Variants in SIDT1 observed in about 807,000 individuals in gnomAD.
The protein encoded by SIDT1 is SID1 transmembrane family member 1.
A neutral mutation model predicts 107.5 loss-of-function variants in SIDT1; 101 were observed. The observed-to-expected ratio is 0.94, with a 90% CI of 0.80 to 1.11. The LOEUF (loss-of-function observed/expected upper bound fraction) is 1.11. Among genes scored for constraint, SIDT1 ranks in the 50% least tolerant of loss-of-function variants. The probability of loss-of-function intolerance (pLI) is 0.00; values close to 1 mark genes in which losing one functional copy is unlikely to be tolerated. For synonymous variants in SIDT1, 395 were observed against 398.2 expected (o/e 0.99, Z 0.10); for missense variants, 1,076 against 1,058.2 (o/e 1.02, Z -0.23).
Position 113,576,954 on chromosome 3 carries a change from C to T in SIDT1, c.548C>T (p.Pro183Leu). The T allele has an allele frequency of 6.2e-7, 1 of 1,614,202 alleles. No homozygotes were observed. Among genetic ancestry groups the T allele is most frequent in the Non-Finnish European group, 8.5e-7 (1 of 1,180,018 alleles). Residue 183 changes from proline to leucine, a missense_variant, in exon 4 of 25, where the codon CCC becomes CTC. Coordinates refer to ENST00000264852, the MANE Select transcript of SIDT1 (RefSeq NM_017699.3). The part of the protein sequence containing the change: ...TNVAFHFTAS[P>L]SQPQYFLYKF... Reference sequence around the variant, plus strand: ...GTTGCCTTTCACTTTACTGCCAGCCCCTCTCAACCTCAGGTAAGTGAAGGG... The same window carrying T: ...GTTGCCTTTCACTTTACTGCCAGCCTCTCTCAACCTCAGGTAAGTGAAGGG...
At chr3:113,620,055 A>AATAGATAGATAG (rs746867291) in intron 21 of SIDT1, 5 of 191,076 alleles carry the variant, frequency 2.6e-5, no homozygotes, top group African/African-American at 7.1e-5. Flanking sequence ...ATGATAGATA[A>AATAGATAGATAG]ATAGATAGAT....
intron 6 of SIDT1, chr3:113,581,877 C>G (rs1943373581): frequency 6.3e-6 from 1 of 159,602 alleles, no homozygotes; most frequent in Non-Finnish European, 1.4e-5. Flanking sequence ...CCATTGAAAT[C>G]AAAGCCTAGG....
intron 20 of SIDT1, among the ~76,000 whole-genome samples, chr3:113,618,672 T>G (rs780511785): frequency 1.3e-5 from 2 of 152,206 alleles, no homozygotes; most frequent in Non-Finnish European, 2.9e-5. Context: ...ATGGATCACC[T>G]AAAAGACAAA....
intron 3 of SIDT1, among the ~76,000 whole-genome samples, chr3:113,575,075 T>C (rs1253219759): frequency 1.3e-5 from 2 of 152,208 alleles, no homozygotes; most frequent in Non-Finnish European, 2.9e-5. Context: ...TAACATGTTT[T>C]ACAAGTTTGC....
At chr3:113,535,928 T>C (rs1938105209) in intron 1 of SIDT1, among the ~76,000 whole-genome samples, 1 of 152,196 alleles carries the variant, frequency 6.6e-6, no homozygotes, top group Non-Finnish European at 1.5e-5. Flanking sequence ...CTCTTCTTAG[T>C]TCTTCTTATC....
chr3:113,605,902 G>A (rs1276690857), intron 14 of SIDT1, among the ~76,000 whole-genome samples: 1 of 151,990 alleles, frequency 6.6e-6, no homozygotes, highest in Non-Finnish European at 1.5e-5. Flanking sequence ...TACTCGGGAG[G>A]CTGAAGTGGG....
At position 113,623,729 on chromosome 3, in the gene SIDT1, G is replaced by A. The variant is rs1946644544; in HGVS notation, c.2303G>A (p.Trp768Ter). The A allele has an allele frequency of 6.2e-7, 1 of 1,612,002 alleles. No homozygotes were observed. Among genetic ancestry groups the A allele is most frequent in the Non-Finnish European group, 8.5e-7 (1 of 1,178,334 alleles). The change falls in exon 23 of 25, where the codon TGG becomes TAG. Residue 768 changes from tryptophan to a stop codon, truncating the protein, a stop_gained. Coordinates refer to ENST00000264852, the MANE Select transcript of SIDT1 (RefSeq NM_017699.3). LOFTEE classifies it high-confidence loss of function. ...TTTTTCTTCCAGAATCTCAGCAGCT[G>A]GGAGGTAAGAGGCCAGTTTTCTTAT... ...LYFFFQNLSS[W>*]EGTPAESREK...
rs1937611967 is a variant in SIDT1 at position 113,532,725 on chromosome 3, C to A, written c.-297C>A. The A allele has an allele frequency of 6.0e-6, 2 of 335,314 alleles. No homozygotes were observed. Among genetic ancestry groups the A allele is most frequent in the Non-Finnish European group, 1.1e-5 (2 of 186,028 alleles). 20.8% of individuals were successfully genotyped at this position (335,314 alleles called of 1,614,324 possible). On this transcript the variant is annotated 5_prime_UTR_variant, in exon 1 of 25. Coordinates refer to ENST00000264852, the MANE Select transcript of SIDT1 (RefSeq NM_017699.3). ...GCTGGGTAAGTGGGGGGATTCTCGG[C>A]GATGAGAAACGGGGGACTTAGAAGC...
chr3:113,538,481 C>A (rs1938444069), intron 1 of SIDT1, among the ~76,000 whole-genome samples: 1 of 152,182 alleles, frequency 6.6e-6, no homozygotes, highest in Non-Finnish European at 1.5e-5. Flanking sequence ...ACATAGAATA[C>A]ATACCGGATA....
chr3:113,625,323 G>C (rs986471095), intron 23 of SIDT1, among the ~76,000 whole-genome samples: 4 of 151,976 alleles, frequency 2.6e-5, no homozygotes, highest in African/African-American at 9.7e-5. Context: ...ATTTTTAGTA[G>C]AGACGGGGTT....
At chr3:113,574,107 G>C (rs1386648420) in intron 3 of SIDT1, among the ~76,000 whole-genome samples, 1 of 152,208 alleles carries the variant, frequency 6.6e-6, no homozygotes, top group Non-Finnish European at 1.5e-5. Context: ...TATTTGTTTT[G>C]AAAATGGTTG....
rs140593427 is a variant in SIDT1, at chr3:113,583,472, T to A, written c.811T>A (p.Cys271Ser). The change falls in exon 7 of 25, where the codon TGT (cysteine) becomes AGT (serine). Residue 271 changes from cysteine to serine, a missense_variant. Cys to Ser is a moderately radical substitution (Grantham distance 112). Transcript: ENST00000264852. ...VFVIKPEDYA[C>S]GGSFFIQEKE... ...TGTGATAAAGCCTGAAGATTATGCCTGTGGAGGATCTTTCTTCATCCAGGG... is the reference window on the plus strand; with the variant it reads ...TGTGATAAAGCCTGAAGATTATGCCAGTGGAGGATCTTTCTTCATCCAGGG... 1.9e-6 allele frequency: 3 copies of A among 1,597,422 alleles called. No homozygotes were observed. The highest frequency in any genetic ancestry group is 2.6e-6 in the Non-Finnish European group (3 of 1,168,290).
At chr3:113,625,726 C>T (rs1313129968) in intron 23 of SIDT1, among the ~76,000 whole-genome samples, 2 of 152,130 alleles carry the variant, frequency 1.3e-5, no homozygotes, top group Non-Finnish European at 2.9e-5. Flanking sequence ...AGATCTTTTG[C>T]CCATTTTTAA....
chr3:113,630,879 A>G (rs1409185865), downstream of SIDT1, among the ~76,000 whole-genome samples: 1 of 152,024 alleles, frequency 6.6e-6, no homozygotes, highest in Non-Finnish European at 1.5e-5. Flanking sequence ...CCAGTCTGGG[A>G]TCTCTCTCCT....
At chr3:113,591,887 A>G (rs1944182568) in intron 9 of SIDT1, among the ~76,000 whole-genome samples, 1 of 152,252 alleles carries the variant, frequency 6.6e-6, no homozygotes, top group Admixed American at 6.5e-5. Flanking sequence ...TGTGAAAACA[A>G]CCAAAATATC....
rs912878906 is a variant in SIDT1 at position 113,583,298 on chromosome 3, T to C, written c.748-111T>C. The C allele has an allele frequency of 5.9e-5, 39 of 656,814 alleles. No individual in the cohort carries two copies. The Admixed American group carries it at 9.5e-4, about 16-fold the overall frequency. The allele number at this position is 656,814 out of a possible 1,614,324, so 40.7% of individuals were successfully genotyped here. ...TTTCCAAGGAGTTAGAGGGCAGGGG[T>C]GAACTTTATTTTCCTTCTCTTTCCT... On this transcript the variant is annotated intron_variant, in intron 6 of 24. Coordinates refer to ENST00000264852, the MANE Select transcript of SIDT1 (RefSeq NM_017699.3).
chr3:113,556,782 G>A (rs181959936), intron 1 of SIDT1, among the ~76,000 whole-genome samples: 1 of 150,134 alleles, frequency 6.7e-6, no homozygotes, highest in East Asian at 2.0e-4. Flanking sequence ...CTGTAAGTTA[G>A]TCTGTGGCTT....
chr3:113,587,390 C>T (rs1170685767), intron 9 of SIDT1, among the ~76,000 whole-genome samples: 1 of 152,152 alleles, frequency 6.6e-6, no homozygotes, highest in Non-Finnish European at 1.5e-5. Context: ...ACAAAAACCC[C>T]AGGCTACAGG....
chr3:113,563,667 C>T (rs990349483), intron 1 of SIDT1, among the ~76,000 whole-genome samples: 5 of 152,116 alleles, frequency 3.3e-5, no homozygotes, highest in African/African-American at 9.7e-5. Flanking sequence ...GAGAGAAGTA[C>T]CCTTTACATT....
Sources: allele counts gnomAD v4.1 joint callset (sites outside exome capture counted in the v4.1 genomes callset), GRCh38; gene constraint gnomAD v4.1.1; transcripts MANE v1.5; gene names NCBI Gene and HGNC (gene_info 2026-07-23, HGNC 2026-07-21).